The following ADAMTS14 variants were observed in gnomAD, a reference collection of about 807,000 sequenced individuals.
The protein encoded by ADAMTS14 is ADAM metallopeptidase with thrombospondin type 1 motif 14.
Under a neutral mutation model 128.6 loss-of-function variants are expected in ADAMTS14, and 100 were observed. The observed-to-expected ratio is 0.78, with a 90% CI of 0.66 to 0.92. ADAMTS14 has a LOEUF of 0.92. Ranked by LOEUF, ADAMTS14 falls within the 40% of genes least tolerant of loss-of-function variation. The pLI is 0.00. For synonymous variants in ADAMTS14, 665 were observed against 653.8 expected, an observed-to-expected ratio of 1.02 and a Z score of -0.26; for missense variants, 1,562 against 1,658.6, an observed-to-expected ratio of 0.94 and a Z score of 1.01.
chr10:70,761,015 CG>C lies in ADAMTS14; in HGVS notation c.*166del. On this transcript the variant is annotated 3_prime_UTR_variant, in exon 22 of 22. Transcript: ENST00000373207. ...CTGTGATGCTCTTTACCCCACAAAG[CG>C]GGGTGGGAGGAAGACAAAGATCAGG... 9.3e-7 allele frequency: 1 copy of C among 1,074,808 alleles called. No homozygotes were observed. Among genetic ancestry groups the C allele is most frequent in the East Asian group, 2.7e-5 (1 of 37,190 alleles). The allele number at this position is 1,074,808 out of a possible 1,614,324, so 66.6% of individuals were successfully genotyped here.
intron 2 of ADAMTS14, among the ~76,000 whole-genome samples, chr10:70,693,853 C>A (rs1255639216): frequency 6.6e-6 from 1 of 152,250 alleles, no homozygotes; most frequent in Non-Finnish European, 1.5e-5. Context: ...CAGAGGCTCT[C>A]TGCTTCCTGG....
intron 4 of ADAMTS14, among the ~76,000 whole-genome samples, chr10:70,723,369 T>C (rs1458753626): frequency 6.6e-6 from 1 of 152,176 alleles, no homozygotes; most frequent in East Asian, 1.9e-4. Context: ...TAGAGAAATC[T>C]GAATAAAATG....
chr10:70,709,835 C>T (rs1028549907), intron 4 of ADAMTS14, among the ~76,000 whole-genome samples: 1 of 152,212 alleles, frequency 6.6e-6, no homozygotes, highest in Non-Finnish European at 1.5e-5. Flanking sequence ...AAGAGAAACC[C>T]ACTGTGGATG....
chr10:70,709,495 G>GTTTTTTTTTTTTTTT (rs746940189), intron 4 of ADAMTS14, among the ~76,000 whole-genome samples: 2 of 101,840 alleles, frequency 2.0e-5, no homozygotes, highest in Admixed American at 1.3e-4. Flanking sequence ...AACATTTCCA[G>GTTTTTTTTTTTTTTT]TTTTTTTTTT....
chr10:70,743,559 T>C lies in ADAMTS14; in HGVS notation c.1936T>C (p.Cys646Arg). The C allele has an allele frequency of 1.9e-6, 3 of 1,612,134 alleles. No individual in the cohort carries two copies. The highest frequency in any genetic ancestry group is 2.5e-6 in the Non-Finnish European group (3 of 1,179,540). Reference sequence around the variant, plus strand: ...CCCTCTCCCTACAGACGCCCAGAAGTGTGAGCTGATCTGCCAGTCGGCGGA... The same window carrying C: ...CCCTCTCCCTACAGACGCCCAGAAGCGTGAGCTGATCTGCCAGTCGGCGGA... ...PYEPDDDAQK[C>R]ELICQSADTG... The change falls in exon 13 of 22, where the codon TGT becomes CGT. Residue 646 changes from cysteine to arginine, a missense_variant. By Grantham distance (180) the Cys-to-Arg change is radical (BLOSUM62 -3). Coordinates refer to ENST00000373207, the MANE Select transcript of ADAMTS14 (RefSeq NM_080722.4).
intron 6 of ADAMTS14, among the ~76,000 whole-genome samples, chr10:70,731,028 T>C (rs539230786): frequency 6.6e-6 from 1 of 151,718 alleles, no homozygotes; most frequent in South Asian, 2.1e-4. Flanking sequence ...AAATTTCTTG[T>C]CTGAATGACT....
intron 3 of ADAMTS14, among the ~76,000 whole-genome samples, chr10:70,703,118 T>C (rs1434898579): frequency 6.6e-6 from 1 of 152,160 alleles, no homozygotes; most frequent in Non-Finnish European, 1.5e-5. Flanking sequence ...CCTTACAGTA[T>C]TATTAAGGGT....
intron 2 of ADAMTS14, among the ~76,000 whole-genome samples, chr10:70,679,373 G>C (rs1186266165): frequency 6.6e-6 from 1 of 152,174 alleles, no homozygotes; most frequent in Non-Finnish European, 1.5e-5. Context: ...TTAGACCTGA[G>C]AGTCCCAGAC....
intron 2 of ADAMTS14, among the ~76,000 whole-genome samples, chr10:70,701,443 C>A (rs547939076): frequency 1.1e-3 from 169 of 152,214 alleles, no homozygotes; most frequent in Non-Finnish European, 1.3e-3. Context: ...CCATCCACCA[C>A]GGTAGGTGGG....
At chr10:70,692,567 CT>C (rs1840222807) in intron 2 of ADAMTS14, among the ~76,000 whole-genome samples, 1 of 152,206 alleles carries the variant, frequency 6.6e-6, no homozygotes, top group East Asian at 1.9e-4. Flanking sequence ...GGAGTTGATT[CT>C]GTGTTCATTG....
chr10:70,697,605 T>G (rs537098020), intron 2 of ADAMTS14, among the ~76,000 whole-genome samples: 12 of 152,364 alleles, frequency 7.9e-5, no homozygotes, highest in African/African-American at 2.9e-4. Flanking sequence ...TGGCCTCAAT[T>G]ACCTGCTATA....
chr10:70,684,840 G>GCCTGGGT (rs146647999), intron 2 of ADAMTS14, among the ~76,000 whole-genome samples: 1,888 of 151,888 alleles, frequency 0.012, 30 homozygotes, highest in African/African-American at 0.039. Flanking sequence ...GAGGCCCCGG[G>GCCTGGGT]CCTGGGTCCT....
At chr10:70,757,640 T>C (rs1010372001) in intron 19 of ADAMTS14, among the ~76,000 whole-genome samples, 1 of 152,142 alleles carries the variant, frequency 6.6e-6, no homozygotes, top group Non-Finnish European at 1.5e-5. Context: ...CAGGTGGTAG[T>C]AGGGAATGGG....
At position 70,678,692 on chromosome 10, in the gene ADAMTS14, G is replaced by A. The variant is rs1320203862; in HGVS notation, c.522+3697G>A. Among the ~76,000 whole-genome samples, 3 of 152,160 alleles carry A rather than the reference G, an allele frequency of 2.0e-5. No homozygotes were observed. The East Asian group carries it at 5.8e-4, about 29-fold the overall frequency. ...TAGGTTGCTCTCTTGAAGAGGCTGG[G>A]CTGGGAGTTGAGAGATAATGGCTGC... On this transcript the variant is annotated intron_variant, in intron 2 of 21. Coordinates refer to ENST00000373207, the MANE Select transcript of ADAMTS14 (RefSeq NM_080722.4).
At chr10:70,713,840 G>T (rs1441347951) in intron 4 of ADAMTS14, among the ~76,000 whole-genome samples, 1 of 152,198 alleles carries the variant, frequency 6.6e-6, no homozygotes, top group South Asian at 2.1e-4. Flanking sequence ...AAAAGGAAGA[G>T]AAAACACAGT....
Position 70,708,706 on chromosome 10 carries a change from G to C in ADAMTS14, c.798G>C (p.Val266=). The C allele has an allele frequency of 6.2e-7, 1 of 1,613,980 alleles. No individual in the cohort carries two copies. The highest frequency in any genetic ancestry group is 8.5e-7 in the Non-Finnish European group (1 of 1,179,986). ...PGSYSIEVLL[V]VDDSVVRFHG... ...GCTACAGCATCGAGGTGCTGCTGGT[G>C]GTGGACGACTCGGTGGTTCGCTTCC... is the stretch of plus-strand genomic sequence containing the variant. The change falls in exon 4 of 22, where the codon GTG becomes GTC. Residue 266 remains valine, a synonymous_variant. Coordinates refer to ENST00000373207, the MANE Select transcript of ADAMTS14 (RefSeq NM_080722.4).
chr10:70,736,529 T>G, intron 9 of ADAMTS14, 151 bp from the exon 10 acceptor site: 2 of 605,336 alleles, frequency 3.3e-6, no homozygotes, highest in East Asian at 3.3e-5. Context: ...TGGAGTTGAG[T>G]AAACTTGAAG....
rs533015603 is a variant in ADAMTS14, at chr10:70,732,377, G to A, written c.1208+18G>A. Reference sequence around the variant, plus strand: ...GGCCACGTGTAAGTGGCAGCAGCACGGTGGGTGGGACTGGCAGCTGTGCCG... The same window carrying A: ...GGCCACGTGTAAGTGGCAGCAGCACAGTGGGTGGGACTGGCAGCTGTGCCG... On this transcript the variant is annotated intron_variant, in intron 7 of 21. Transcript: ENST00000373207. 1.4e-4 allele frequency: 216 copies of A among 1,599,160 alleles called. 3 individuals are homozygous for A. In the South Asian group the frequency reaches 2.2e-3, roughly 16 times the overall value.
chr10:70,678,378 G>A (rs921760217), intron 2 of ADAMTS14, among the ~76,000 whole-genome samples: 1 of 151,942 alleles, frequency 6.6e-6, no homozygotes, highest in Non-Finnish European at 1.5e-5. Context: ...GAACACAGTG[G>A]GGATGGGTGC....
Sources: gnomAD v4.1 joint callset for allele counts (sites outside exome capture counted in the v4.1 genomes callset) on GRCh38, gnomAD v4.1.1 for gene constraint, MANE v1.5 for transcripts, NCBI Gene and HGNC (gene_info 2026-07-23, HGNC 2026-07-21) for gene names.